The following SGCZ variants were observed in gnomAD, a reference collection of about 807,000 sequenced individuals.
The protein encoded by SGCZ is sarcoglycan zeta, also known as zeta-sarcoglycan.
SGCZ carries 40 observed loss-of-function variants against 41.3 expected under a neutral mutation model. The observed-to-expected ratio is 0.97, with a 90% CI of 0.75 to 1.26. The LOEUF (loss-of-function observed/expected upper bound fraction) is 1.26. Among genes scored for constraint, SGCZ ranks in the 50% most tolerant of loss-of-function variants. The pLI, the probability that SGCZ is intolerant of heterozygous loss-of-function variation, is 0.00. For synonymous variants in SGCZ, 206 were observed against 137.5 expected, an observed-to-expected ratio of 1.50 and a Z score of -3.49; for missense variants, 552 against 369.8, an observed-to-expected ratio of 1.49 and a Z score of -4.04.
rs748972339 is a variant in SGCZ, at chr8:14,175,975, G to T, written c.425-11273C>A. Among the ~76,000 whole-genome samples the T allele has an allele frequency of 9.2e-5, 14 of 151,988 alleles. No individual in the cohort carries two copies. In the East Asian group the frequency reaches 9.6e-4, roughly 10 times the overall value. On this transcript the variant is annotated intron_variant, in intron 4 of 7. Transcript: ENST00000382080. ...TATCTATTAGGTGTTATTCCATAACGACAAAAACTAGAATCACCGTGAATC... is the reference window on the plus strand; with the variant it reads ...TATCTATTAGGTGTTATTCCATAACTACAAAAACTAGAATCACCGTGAATC...
chr8:14,377,833 T>C (rs563923516), intron 2 of SGCZ, among the ~76,000 whole-genome samples: 9 of 152,050 alleles, frequency 5.9e-5, no homozygotes, highest in South Asian at 2.1e-4. Flanking sequence ...ACCAATTTCA[T>C]CCATGTCCCT....
chr8:14,914,980 T>C (rs1222315458), intron 1 of SGCZ, among the ~76,000 whole-genome samples: 1 of 152,124 alleles, frequency 6.6e-6, no homozygotes, highest in Non-Finnish European at 1.5e-5. Flanking sequence ...AGAGGCATCA[T>C]TTGGCAATGA....
At chr8:15,134,619 A>T (rs2116981484) in intron 1 of SGCZ, among the ~76,000 whole-genome samples, 1 of 152,332 alleles carries the variant, frequency 6.6e-6, no homozygotes. Context: ...TACTCCTTGC[A>T]TAATTGTGCA....
At chr8:14,903,529 A>C (rs892215510) in intron 1 of SGCZ, among the ~76,000 whole-genome samples, 21 of 152,104 alleles carry the variant, frequency 1.4e-4, no homozygotes, top group African/African-American at 5.1e-4. Flanking sequence ...TATTTATTGA[A>C]GAATAAATAA....
In SGCZ at chr8:14,239,944, T is replaced by C. The variant is rs1194194765; in HGVS notation, c.337-2265A>G. Among the ~76,000 whole-genome samples, 3 of 139,196 alleles carry C rather than the reference T, an allele frequency of 2.2e-5. No individual in the cohort carries two copies. In the East Asian group the frequency reaches 6.4e-4, roughly 30 times the overall value. The allele number at this position is 139,196 out of a possible 152,430, so 91.3% of individuals were successfully genotyped here. A position where few individuals can be genotyped will look rare whatever the true frequency, so the allele number is the denominator to read the frequency against. ...AAAAAAAAAAAAAAAAAAGAATTAC[T>C]GCCTTATTACACATGTTAAAATAGA... On this transcript the variant is annotated intron_variant, in intron 3 of 7. Transcript: ENST00000382080.
chr8:14,329,572 T>C (rs1280029545), intron 2 of SGCZ, among the ~76,000 whole-genome samples: 1 of 151,484 alleles, frequency 6.6e-6, no homozygotes, highest in African/African-American at 2.4e-5. Flanking sequence ...ATTGTTATTT[T>C]ATTATTTTAG....
chr8:14,924,792 T>G (rs1018464139), intron 1 of SGCZ, among the ~76,000 whole-genome samples: 2 of 152,048 alleles, frequency 1.3e-5, no homozygotes, highest in African/African-American at 4.8e-5. Context: ...ATAGTCATAT[T>G]AACATTATCA....
intron 1 of SGCZ, among the ~76,000 whole-genome samples, chr8:14,688,423 T>C (rs1808688868): frequency 6.6e-6 from 1 of 152,180 alleles, no homozygotes; most frequent in Non-Finnish European, 1.5e-5. Context: ...GGCTAGCCAG[T>C]TTTCCCAGCA....
In SGCZ at chr8:14,087,096, A is replaced by C. The variant is rs914364011; in HGVS notation, c.*3347T>G. On this transcript the variant is annotated 3_prime_UTR_variant, in exon 8 of 8. Transcript: ENST00000382080. ...CTGTAATCTAAGATTCCTAAGTTAC[A>C]GTAAAATTTGAGGTGTATAATTGTC... Among the ~76,000 whole-genome samples the C allele has an allele frequency of 6.6e-6, 1 of 151,674 alleles. No homozygotes were observed. The highest frequency in any genetic ancestry group is 1.5e-5 in the Non-Finnish European group (1 of 67,742).
Position 14,718,026 on chromosome 8 carries a change from G to C in SGCZ, c.40-163100C>G, listed in dbSNP as rs1375804414. On this transcript the variant is annotated intron_variant, in intron 1 of 7. Transcript: ENST00000382080. ...ATATATATATGTAATATGGCTCTTA[G>C]CATTTAAAAACTGACTCAAATAGTT... Among the ~76,000 whole-genome samples the C allele has an allele frequency of 5.1e-5, 6 of 116,924 alleles. No individual in the cohort carries two copies. In the East Asian group the frequency reaches 1.7e-3, roughly 34 times the overall value. The allele number at this position is 116,924 out of a possible 152,430, so 76.7% of individuals were successfully genotyped here. A position where few individuals can be genotyped will look rare whatever the true frequency, so the allele number is the denominator to read the frequency against.
At chr8:14,473,330 C>A (rs1172953680) in intron 2 of SGCZ, among the ~76,000 whole-genome samples, 1 of 152,034 alleles carries the variant, frequency 6.6e-6, no homozygotes, top group African/African-American at 2.4e-5. Context: ...AAAGCTTTCT[C>A]CTCCATATGC....
chr8:14,115,263 C>T (rs368840136), intron 5 of SGCZ, among the ~76,000 whole-genome samples: 8 of 151,910 alleles, frequency 5.3e-5, no homozygotes, highest in African/African-American at 1.9e-4. Flanking sequence ...AAAGCATAAT[C>T]AAGAATGCCC....
intron 1 of SGCZ, among the ~76,000 whole-genome samples, chr8:14,930,195 C>A (rs76172497): frequency 0.034 from 5,244 of 152,050 alleles, 165 homozygotes; most frequent in East Asian, 0.16. Context: ...ACAGACACTT[C>A]TCAAAAGAAG....
At chr8:15,148,770 A>C (rs2117013097) in intron 1 of SGCZ, among the ~76,000 whole-genome samples, 1 of 152,342 alleles carries the variant, frequency 6.6e-6, no homozygotes, top group African/African-American at 2.4e-5. Context: ...AAGCTGATAC[A>C]AAAATTGGAT....
chr8:14,950,932 A>T (rs753017445), intron 1 of SGCZ, among the ~76,000 whole-genome samples: 5 of 152,066 alleles, frequency 3.3e-5, no homozygotes, highest in Admixed American at 3.3e-4. Context: ...TGAATACTCT[A>T]GGCTAAAATT....
At chr8:15,221,025 TA>T (rs1801582229) in intron 1 of SGCZ, among the ~76,000 whole-genome samples, 1 of 151,678 alleles carries the variant, frequency 6.6e-6, no homozygotes, top group African/African-American at 2.4e-5. Flanking sequence ...GGGTAGGGTA[TA>T]GGGGGAGGGA....
intron 2 of SGCZ, among the ~76,000 whole-genome samples, chr8:14,354,151 T>C (rs1803205550): frequency 6.6e-6 from 1 of 152,084 alleles, no homozygotes. Context: ...TATATTGTAA[T>C]TGCCTTATTA....
chr8:14,541,829 T>C (rs1358126706), intron 2 of SGCZ, among the ~76,000 whole-genome samples: 2 of 152,146 alleles, frequency 1.3e-5, no homozygotes, highest in African/African-American at 2.4e-5. Context: ...TCATTCTAAA[T>C]GGCATGAGAT....
chr8:15,081,950 T>C (rs1805766139), intron 1 of SGCZ, among the ~76,000 whole-genome samples: 1 of 152,228 alleles, frequency 6.6e-6, no homozygotes, highest in Non-Finnish European at 1.5e-5. Flanking sequence ...TATAATGTCC[T>C]GTACAGTTCT....
Sources: allele counts gnomAD v4.1 joint callset (sites outside exome capture counted in the v4.1 genomes callset), GRCh38; gene constraint gnomAD v4.1.1; transcripts MANE v1.5; gene names NCBI Gene and HGNC (gene_info 2026-07-23, HGNC 2026-07-21).